Variants in PCDH15 observed in about 807,000 individuals in gnomAD.
PCDH15 encodes protocadherin-15.
A neutral mutation model predicts 178.5 loss-of-function variants in PCDH15; 129 were observed. The ratio of observed to expected loss-of-function variants is 0.72; its 90% CI spans 0.63 to 0.84. The LOEUF (loss-of-function observed/expected upper bound fraction) is 0.84, where lower values mean the gene tolerates loss of function less well. Ranked by LOEUF, PCDH15 falls within the 40% of genes least tolerant of loss-of-function variation. PCDH15 has a pLI of 0.00. For synonymous variants in PCDH15, 800 were observed against 732.0 expected, an observed-to-expected ratio of 1.09 and a Z score of -1.50; for missense variants, 2,230 against 2,099.9, an observed-to-expected ratio of 1.06 and a Z score of -1.21.
intron 2 of PCDH15, among the ~76,000 whole-genome samples, chr10:55,487,346 T>G (rs569483614): frequency 2.6e-4 from 39 of 151,738 alleles, no homozygotes; most frequent in African/African-American, 9.4e-4. Flanking sequence ...CATCATCAGA[T>G]TCTTTCAACT....
chr10:54,532,481 C>T (rs183881625), intron 2 of PCDH15, among the ~76,000 whole-genome samples: 12 of 152,164 alleles, frequency 7.9e-5, no homozygotes, highest in African/African-American at 2.9e-4. Context: ...TTACTTGATT[C>T]TTCACAGAAA....
intron 2 of PCDH15, among the ~76,000 whole-genome samples, chr10:55,122,070 G>A (rs1220605557): frequency 6.6e-6 from 1 of 152,150 alleles, no homozygotes; most frequent in East Asian, 1.9e-4. Flanking sequence ...GAAAAATTAA[G>A]GGAAAGGATA....
intron 23 of PCDH15, among the ~76,000 whole-genome samples, chr10:53,951,023 G>C (rs1319825322): frequency 6.6e-6 from 1 of 152,106 alleles, no homozygotes; most frequent in Non-Finnish European, 1.5e-5. Context: ...GTTCCTAAGG[G>C]CTGCTTAAGG....
chr10:53,839,339 TTAAAA>T (rs2077503096), intron 29 of PCDH15, among the ~76,000 whole-genome samples: 1 of 151,856 alleles, frequency 6.6e-6, no homozygotes, highest in Non-Finnish European at 1.5e-5. Flanking sequence ...ATGAACACAT[TTAAAA>T]TAAAACTAAA....
chr10:54,521,004 T>A (rs931278212), intron 3 of PCDH15, among the ~76,000 whole-genome samples: 6 of 139,078 alleles, frequency 4.3e-5, no homozygotes, highest in African/African-American at 1.4e-4. Context: ...TAGGTGGGAA[T>A]TGAACAATGA....
At chr10:55,332,392 T>C (rs752264224) in intron 2 of PCDH15, among the ~76,000 whole-genome samples, 11 of 152,072 alleles carry the variant, frequency 7.2e-5, no homozygotes, top group East Asian at 1.9e-4. Context: ...AGGTCCCCCA[T>C]TGGCAAAGGA....
intron 1 of PCDH15, among the ~76,000 whole-genome samples, chr10:54,749,120 G>T (rs1288001711): frequency 6.7e-6 from 1 of 149,902 alleles, no homozygotes; most frequent in African/African-American, 2.4e-5. Flanking sequence ...GACCTAGTTA[G>T]GTGTGGAGTA....
Position 55,600,190 on chromosome 10 carries a change from C to G in PCDH15, c.-156+27435G>C, listed in dbSNP as rs182971579. The G allele has an allele frequency of 5.4e-5, 13 of 239,316 alleles. No individual in the cohort carries two copies. The East Asian group carries it at 1.0e-3, about 19-fold the overall frequency. 14.8% of individuals were successfully genotyped at this position (239,316 alleles called of 1,614,324 possible). ...CCATCCTGGCTAACATAGTAAAACCCTGTATCTACTAAAAATACAAAAAAT... is the reference window on the plus strand; with the variant it reads ...CCATCCTGGCTAACATAGTAAAACCGTGTATCTACTAAAAATACAAAAAAT... On this transcript the variant is annotated intron_variant, in intron 2 of 5. Transcript: ENST00000613346.
chr10:54,940,370 T>A (rs1240445529), intron 2 of PCDH15, among the ~76,000 whole-genome samples: 1 of 152,176 alleles, frequency 6.6e-6, no homozygotes, highest in Non-Finnish European at 1.5e-5. Context: ...CGTTTTTTAT[T>A]TAGTTCTATT....
chr10:54,420,752 A>T (rs1297488847), intron 3 of PCDH15, among the ~76,000 whole-genome samples: 3 of 152,136 alleles, frequency 2.0e-5, no homozygotes, highest in Non-Finnish European at 4.4e-5. Flanking sequence ...ATAGCAACAG[A>T]TGAAGAAAAA....
intron 21 of PCDH15, among the ~76,000 whole-genome samples, chr10:53,993,760 T>G (rs1393792482): frequency 6.6e-6 from 1 of 152,160 alleles, no homozygotes; most frequent in Non-Finnish European, 1.5e-5. Context: ...TATGCTCACT[T>G]AAGGGTCCCA....
At chr10:55,130,035 A>G (rs939410087) in intron 2 of PCDH15, among the ~76,000 whole-genome samples, 2 of 152,170 alleles carry the variant, frequency 1.3e-5, no homozygotes, top group African/African-American at 4.8e-5. Flanking sequence ...ACAATTTGCC[A>G]TCTTTTTCAG....
chr10:54,687,007 C>G (rs1200331723), intron 1 of PCDH15, among the ~76,000 whole-genome samples: 1 of 151,966 alleles, frequency 6.6e-6, no homozygotes, highest in African/African-American at 2.4e-5. Context: ...CTATAAATAG[C>G]CAATAGATAT....
intron 1 of PCDH15, among the ~76,000 whole-genome samples, chr10:54,716,021 C>T (rs2095475958): frequency 6.6e-6 from 1 of 152,128 alleles, no homozygotes; most frequent in South Asian, 2.1e-4. Flanking sequence ...TCTTCCCATG[C>T]AGAGAACCTG....
At chr10:54,709,976 TAATA>T (rs1250709027) in intron 1 of PCDH15, among the ~76,000 whole-genome samples, 12 of 149,832 alleles carry the variant, frequency 8.0e-5, no homozygotes, top group South Asian at 2.1e-4. Context: ...GTAATATATG[TAATA>T]AATATGTACT....
At chr10:55,412,796 C>A (rs149185742) in intron 2 of PCDH15, among the ~76,000 whole-genome samples, 1,880 of 151,338 alleles carry the variant, frequency 0.012, 49 homozygotes, top group African/African-American at 0.044. Flanking sequence ...GAGAAAATTT[C>A]AGCCATATTT....
chr10:53,822,346 TAGGAGGAGGAAGAGGAAGAGGGATAGA>T, intron 32 of PCDH15: 1 of 1,584,248 alleles, frequency 6.3e-7, no homozygotes, highest in Non-Finnish European at 8.6e-7. Context: ...GGAAAAAATG[TAGGAGGAGGAAGAGGAAGAGGGATAGA>T]AGGAGGAGAG....
intron 1 of PCDH15, among the ~76,000 whole-genome samples, chr10:55,173,309 ATGTGTGTGTGTG>A (rs775260037): frequency 1.1e-4 from 15 of 133,136 alleles, no homozygotes; most frequent in African/African-American, 1.7e-4. Flanking sequence ...TAGAAAGATT[ATGTGTGTGTGTG>A]TGTGTGTGTG....
chr10:54,745,884 C>G (rs1488095071), intron 1 of PCDH15, among the ~76,000 whole-genome samples: 2 of 152,026 alleles, frequency 1.3e-5, no homozygotes, highest in Non-Finnish European at 2.9e-5. Flanking sequence ...AAAGAATATA[C>G]TTTTATTAGA....
Sources: gnomAD v4.1 joint callset for allele counts (sites outside exome capture counted in the v4.1 genomes callset) on GRCh38, gnomAD v4.1.1 for gene constraint, MANE v1.5 for transcripts, NCBI Gene and HGNC (gene_info 2026-07-23, HGNC 2026-07-21) for gene names.